Variants in FAM171B observed in about 807,000 individuals in gnomAD.
FAM171B encodes family with sequence similarity 171 member B, also known as protein FAM171B.
A neutral mutation model predicts 75.6 loss-of-function variants in FAM171B; 19 were observed. That is an observed-to-expected ratio of 0.25 (90% CI 0.18 to 0.37). The LOEUF is 0.37. Ranked by LOEUF, FAM171B falls within the 10% of genes least tolerant of loss-of-function variation. The pLI is 1.00. For synonymous variants in FAM171B, 367 were observed against 361.7 expected (o/e 1.01, Z -0.17); for missense variants, 848 against 982.4 (o/e 0.86, Z 1.83).
chr2:186,751,050 G>T, intron 4 of FAM171B, 84 bp from the exon 5 acceptor site: 1 of 999,896 alleles, frequency 1.0e-6, no homozygotes, highest in Non-Finnish European at 1.4e-6. Flanking sequence ...TGAAATAGAG[G>T]AACTATTTAT....
At chr2:186,761,348 CT>C (rs1176049952) in intron 7 of FAM171B, 112 bp downstream of exon 7, 5 of 1,441,794 alleles carry the variant, frequency 3.5e-6, no homozygotes, top group Non-Finnish European at 2.8e-6. Context: ...ATAATATATC[CT>C]TTTTTATTTT....
At position 186,762,002 on chromosome 2, in the gene FAM171B, T is replaced by C. The variant is rs754094852; in HGVS notation, c.1660T>C (p.Leu554=). 1 of 1,613,548 alleles carries C rather than the reference T, an allele frequency of 6.2e-7. No individual in the cohort carries two copies. Among genetic ancestry groups the C allele is most frequent in the South Asian group, 1.1e-5 (1 of 91,074 alleles). ...TSDLFSTPEQ[L]HTAKSATLPR... is the part of the protein sequence containing the mutation. ...TGACCTTTTCTCCACACCGGAACAA[T>C]TACATACTGCTAAGTCAGCTACTTT... Residue 554 remains leucine (L), a synonymous_variant, in exon 8 of 8, where the codon TTA becomes CTA. Coordinates refer to ENST00000304698, the MANE Select transcript of FAM171B (RefSeq NM_177454.4). This position sits in a 1 kb window ranked among gnomAD's most constrained non-coding sequence, Gnocchi z 4.0.
At chr2:186,735,091 C>T (rs769249469) in intron 1 of FAM171B, among the ~76,000 whole-genome samples, 2 of 152,164 alleles carry the variant, frequency 1.3e-5, no homozygotes, top group Non-Finnish European at 2.9e-5. Context: ...CCCACCAACT[C>T]GGTAGGGGCA....
At chr2:186,703,660 C>T (rs1236055197) in intron 1 of FAM171B, among the ~76,000 whole-genome samples, 1 of 152,138 alleles carries the variant, frequency 6.6e-6, no homozygotes, top group Non-Finnish European at 1.5e-5. Context: ...ACTCTTGCCT[C>T]CTTTCCTGTG....
At chr2:186,743,115 T>C (rs564240297) in intron 2 of FAM171B, among the ~76,000 whole-genome samples, 1 of 151,970 alleles carries the variant, frequency 6.6e-6, no homozygotes, top group Non-Finnish European at 1.5e-5. Context: ...AGAAAAAAAA[T>C]TTTTAAATCT....
intron 1 of FAM171B, among the ~76,000 whole-genome samples, chr2:186,715,740 A>C (rs1307758787): frequency 6.6e-6 from 1 of 152,190 alleles, no homozygotes; most frequent in Non-Finnish European, 1.5e-5. Flanking sequence ...CTGGAAAGTA[A>C]TAGAAATTTT....
rs1690674890 is a variant in FAM171B, at chr2:186,764,698, T to C, written c.*1875T>C. The C allele has an allele frequency of 6.6e-6, 1 of 151,838 alleles. No individual in the cohort carries two copies. Among genetic ancestry groups the C allele is most frequent in the Non-Finnish European group, 1.5e-5 (1 of 67,828 alleles). 9.4% of individuals were successfully genotyped at this position (151,838 alleles called of 1,614,324 possible). ...CTTTCAGTTAACCAAATTAAACAGA[T>C]GTGCAGTTTTATTAAAAATATAGAC... On this transcript the variant is annotated 3_prime_UTR_variant, in exon 8 of 8. Coordinates refer to ENST00000304698, the MANE Select transcript of FAM171B (RefSeq NM_177454.4).
At position 186,747,105 on chromosome 2, in the gene FAM171B, A is replaced by C. The variant is rs756576698; in HGVS notation, c.579A>C (p.Gln193His). 1 of 1,592,244 alleles carries C rather than the reference A, an allele frequency of 6.3e-7. No individual in the cohort carries two copies. Among genetic ancestry groups the C allele is most frequent in the Non-Finnish European group, 8.5e-7 (1 of 1,171,596 alleles). ...ITGKLADAKS[Q>H]PSVQFSKALI... ...CCTTTTTTCCAGATGCCAAGTCTCA[A>C]CCAAGTGTTCAGTTTTCAAAAGCCT... Residue 193 changes from glutamine (Q) to histidine (H), a missense_variant, in exon 4 of 8, where the codon CAA (glutamine) becomes CAC (histidine). Around this residue, in one of 3 missense-constraint regions of FAM171B, gnomAD observed 665 missense variants for 729.0 expected, o/e 0.91. Coordinates refer to ENST00000304698, the MANE Select transcript of FAM171B (RefSeq NM_177454.4).
intron 1 of FAM171B, among the ~76,000 whole-genome samples, chr2:186,726,434 A>T (rs1352101792): frequency 1.3e-5 from 2 of 152,126 alleles, no homozygotes; most frequent in African/African-American, 4.8e-5. Context: ...CATATTTGAA[A>T]TGCTGCAGAG....
chr2:186,709,967 G>A (rs978568085), intron 1 of FAM171B, among the ~76,000 whole-genome samples: 1 of 151,746 alleles, frequency 6.6e-6, no homozygotes, highest in African/African-American at 2.4e-5. Flanking sequence ...TCTTTTTTTC[G>A]GGTTAGCCTA....
intron 1 of FAM171B, among the ~76,000 whole-genome samples, chr2:186,724,673 T>G (rs2595398): frequency 0.082 from 12,440 of 152,146 alleles, 559 homozygotes; most frequent in South Asian, 0.12. Flanking sequence ...TGACAAAGAC[T>G]TTTAGAAAGT....
At chr2:186,720,700 C>A (rs1487198013) in intron 1 of FAM171B, among the ~76,000 whole-genome samples, 1,501 of 109,896 alleles carry the variant, frequency 0.014, no homozygotes, top group Non-Finnish European at 0.015. Context: ...AGATCATGTA[C>A]AAAAAAAAAA....
intron 1 of FAM171B, among the ~76,000 whole-genome samples, chr2:186,707,442 C>A (rs1689747016): frequency 6.6e-6 from 1 of 152,188 alleles, no homozygotes; most frequent in Non-Finnish European, 1.5e-5. Flanking sequence ...ATCAACCGGC[C>A]TCCTTATGTC....
At chr2:186,724,568 C>T (rs1278250319) in intron 1 of FAM171B, among the ~76,000 whole-genome samples, 2 of 152,112 alleles carry the variant, frequency 1.3e-5, no homozygotes, top group African/African-American at 2.4e-5. Flanking sequence ...ACATTTGATT[C>T]CTTTTGGTGA....
intron 6 of FAM171B, among the ~76,000 whole-genome samples, chr2:186,754,476 C>G (rs549517336): frequency 6.6e-6 from 1 of 152,164 alleles, no homozygotes; most frequent in East Asian, 1.9e-4. Flanking sequence ...CCTTGCCGTG[C>G]CAGATGGCCT....
intron 1 of FAM171B, among the ~76,000 whole-genome samples, chr2:186,732,901 C>G (rs1006453534): frequency 6.6e-6 from 1 of 152,204 alleles, no homozygotes; most frequent in Non-Finnish European, 1.5e-5. Flanking sequence ...GAGATCTCAT[C>G]AGGAAGCTGC....
intron 6 of FAM171B, among the ~76,000 whole-genome samples, chr2:186,756,603 T>C (rs915355751): frequency 6.6e-6 from 1 of 152,172 alleles, no homozygotes; most frequent in Admixed American, 6.6e-5. Context: ...TGTCTCCACA[T>C]GGCCTTTCCA....
At chr2:186,760,363 C>A (rs1690596617) in intron 6 of FAM171B, among the ~76,000 whole-genome samples, 1 of 151,878 alleles carries the variant, frequency 6.6e-6, no homozygotes, top group African/African-American at 2.4e-5. Flanking sequence ...TTCTTTAGAC[C>A]CCTGCTTAAT....
chr2:186,694,349 T>C lies in FAM171B; in HGVS notation c.176T>C (p.Leu59Pro), dbSNP rs1201309513. ...CAACAACAACAACAGCAAAAGCAGC[T>C]GGAGGAGGCTGAGGAGGAGAGGACA... ...QQQQQQQQKQ[L>P]EEAEEERTEV... The change falls in exon 1 of 8, where the codon CTG becomes CCG. Residue 59 changes from leucine to proline, a missense_variant. Physicochemically the swap from Leu to Pro is moderately conservative, Grantham distance 98 (BLOSUM62 -3). Transcript: ENST00000304698. 1 of 1,613,060 alleles carries C rather than the reference T, an allele frequency of 6.2e-7. No homozygotes were observed. The highest frequency in any genetic ancestry group is 8.5e-7 in the Non-Finnish European group (1 of 1,179,644).
Sources: gnomAD v4.1 joint callset for allele counts (sites outside exome capture counted in the v4.1 genomes callset) on GRCh38, gnomAD v4.1.1 for gene constraint, gnomAD v4.1.1 regional missense constraint, Gnocchi (gnomAD v3.1) non-coding constraint, MANE v1.5 for transcripts, NCBI Gene and HGNC (gene_info 2026-07-23, HGNC 2026-07-21) for gene names.